APLP1: variants seen among roughly 807,000 people sequenced by gnomAD.
The protein encoded by APLP1 is amyloid beta precursor like protein 1.
In APLP1, 46 loss-of-function variants were observed where a neutral mutation model predicts 84.5. That is an observed-to-expected ratio of 0.54 (90% CI 0.43 to 0.70). The LOEUF is 0.70. APLP1 is among the 30% of genes least tolerant of loss of function. The pLI is 0.00. For missense variants in APLP1, 826 were observed against 900.2 expected, an observed-to-expected ratio of 0.92 and a Z score of 1.05; for synonymous variants, 376 against 364.0, an observed-to-expected ratio of 1.03 and a Z score of -0.38.
chr19:35,869,635 G>A (rs1315326801), intron 1 of APLP1, 32 bp from the exon 2 acceptor site: 4 of 1,608,244 alleles, frequency 2.5e-6, no homozygotes, highest in Non-Finnish European at 2.5e-6. Flanking sequence ...AACGCCCCCC[G>A]AGCCCTCACT....
intron 7 of APLP1, 113 bp downstream of exon 7, chr19:35,872,726 C>T (rs1974187945): frequency 1.6e-6 from 2 of 1,236,538 alleles, no homozygotes; most frequent in Non-Finnish European, 2.2e-6. Context: ...GCCCCTTTGA[C>T]CTTGAGCTCT....
intron 12 of APLP1, 60 bp downstream of exon 12, chr19:35,877,885 G>A (rs1249897885): frequency 4.1e-6 from 6 of 1,456,402 alleles, no homozygotes; most frequent in Non-Finnish European, 5.7e-6. Flanking sequence ...AGCCTAATTT[G>A]TAATCCCCTA....
chr19:35,873,168 A>G (rs1490332023), intron 7 of APLP1, among the ~76,000 whole-genome samples: 1 of 147,004 alleles, frequency 6.8e-6, no homozygotes, highest in Non-Finnish European at 1.5e-5. Flanking sequence ...CCTCTCTTTC[A>G]CTTTAAACTC....
intron 11 of APLP1, among the ~76,000 whole-genome samples, chr19:35,877,507 A>AAC (rs1568477669): frequency 2.0e-5 from 3 of 150,484 alleles, no homozygotes; most frequent in African/African-American, 7.4e-5. Flanking sequence ...AAAAACAAAA[A>AAC]AAAAACATAA....
Position 35,874,843 on chromosome 19 carries a change from G to A in APLP1, c.1318G>A (p.Glu440Lys), listed in dbSNP as rs575307529. 3.8e-5 allele frequency: 61 copies of A among 1,610,528 alleles called. No individual in the cohort carries two copies. In the South Asian group the frequency reaches 5.4e-4, roughly 14 times the overall value. The change falls in exon 10 of 17, where the codon GAG becomes AAG. Residue 440 changes from glutamate (E) to lysine (K), a missense_variant. Coordinates refer to ENST00000221891, the MANE Select transcript of APLP1 (RefSeq NM_001024807.3). The surrounding 1 kb of genome is among the most constrained non-coding windows in gnomAD (Gnocchi z 6.4). ...CCAGCATGTGGCCGCCGTGGATCCC[G>A]AGAAGGCACAGCAGATGCGCTTCCA... ...HYQHVAAVDPEKAQQMRFQVH... is the reference protein window; with the variant it reads ...HYQHVAAVDPKKAQQMRFQVH...
chr19:35,878,029 C>T, intron 12 of APLP1, 53 bp from the exon 13 acceptor site: 1 of 1,583,146 alleles, frequency 6.3e-7, no homozygotes, highest in Non-Finnish European at 8.6e-7. Flanking sequence ...CCTTTCTTTG[C>T]TGATACCCTC....
rs1974369494 is a variant in APLP1 at position 35,879,458 on chromosome 19, C to T, written c.*17C>T. 6 of 1,610,596 alleles carry T rather than the reference C, an allele frequency of 3.7e-6. No homozygotes were observed. The highest frequency in any genetic ancestry group is 1.3e-5 in the African/African-American group (1 of 74,936). ...CGACCCTGACCCGGCCCCCTTCACC[C>T]CTTCAGCCGAGCCCAGACCTCCCCT... On this transcript the variant is annotated 3_prime_UTR_variant, in exon 17 of 17. Transcript: ENST00000221891.
chr19:35,878,523 G>T (rs1448275443), intron 13 of APLP1, 61 bp from the exon 14 acceptor site: 2 of 1,540,562 alleles, frequency 1.3e-6, no homozygotes, highest in East Asian at 4.5e-5. Context: ...TCCAGCCTGG[G>T]TGACAGAGTG....
intron 11 of APLP1, among the ~76,000 whole-genome samples, chr19:35,877,371 C>T: frequency 6.6e-6 from 1 of 151,978 alleles, no homozygotes; most frequent in Non-Finnish European, 1.5e-5. Context: ...TGCCTGTAAT[C>T]CCAGCTACTT....
chr19:35,870,989 G>T lies in APLP1; in HGVS notation c.385G>T (p.Ala129Ser), dbSNP rs1003174908. The T allele has an allele frequency of 3.2e-6, 5 of 1,557,564 alleles. No individual in the cohort carries two copies. In the South Asian group the frequency reaches 4.8e-5, roughly 15 times the overall value. The part of the protein sequence containing the change: ...WCGGSRSGSC[A>S]HPHHQVVPFR... ...CGGGGGTTCCCGGAGCGGCAGCTGCGCCCACCCCCACCACCAGGTTGTGCC... is the reference window on the plus strand; with the variant it reads ...CGGGGGTTCCCGGAGCGGCAGCTGCTCCCACCCCCACCACCAGGTTGTGCC... Residue 129 changes from alanine (A) to serine (S), a missense_variant, in exon 3 of 17, where the codon GCC becomes TCC. By Grantham distance (99) the Ala-to-Ser change is moderately conservative. This residue lies in a region of APLP1 where 383 missense variants were observed against 378.3 expected (regional missense o/e 1.01). Transcript: ENST00000221891.
At position 35,874,734 on chromosome 19, in the gene APLP1, T is replaced by A; in HGVS notation, c.1216-7T>A. On this transcript the variant is annotated splice_region_variant and splice_polypyrimidine_tract_variant and intron_variant, in intron 9 of 16. Transcript: ENST00000221891. This position sits in a 1 kb window ranked among gnomAD's most constrained non-coding sequence, Gnocchi z 6.4. ...GCGGGCTTGGGCATCCTGTGTCCCT[T>A]CCACAGGCGGAGCGTGTCCTGTTGG... is the stretch of plus-strand genomic sequence containing the variant. 1 of 1,612,532 alleles carries A rather than the reference T, an allele frequency of 6.2e-7. No individual in the cohort carries two copies. Among genetic ancestry groups the A allele is most frequent in the African/African-American group, 1.3e-5 (1 of 75,040 alleles).
chr19:35,879,596 T>C lies in APLP1; in HGVS notation c.*155T>C, dbSNP rs1974372792. On this transcript the variant is annotated 3_prime_UTR_variant, in exon 17 of 17. Coordinates refer to ENST00000221891, the MANE Select transcript of APLP1 (RefSeq NM_001024807.3). ...GGAAATTCTTATTTCCCCTTTCCAA[T>C]TCCAAAATTCCATCCCTAAGAATTC... 1 of 639,074 alleles carries C rather than the reference T, an allele frequency of 1.6e-6. No individual in the cohort carries two copies. The highest frequency in any genetic ancestry group is 1.8e-5 in the African/African-American group (1 of 54,452). 39.6% of individuals were successfully genotyped at this position (639,074 alleles called of 1,614,324 possible).
intron 5 of APLP1, 41 bp from the exon 6 acceptor site, chr19:35,871,817 G>T: frequency 6.2e-7 from 1 of 1,613,120 alleles, no homozygotes; most frequent in East Asian, 2.2e-5. Context: ...GGGAGCCCAG[G>T]CCTGGGTTCT....
chr19:35,871,130 T>C (rs886580144), intron 3 of APLP1, 102 bp downstream of exon 3: 3 of 1,519,600 alleles, frequency 2.0e-6, no homozygotes, highest in Non-Finnish European at 1.8e-6. Context: ...GGTGCTTGTG[T>C]CCTAAGTGGG....
rs376928438 is a variant in APLP1 at position 35,874,898 on chromosome 19, C to A, written c.1344+29C>A. ...CTCACATCCTTCCAGCTCCCAAATG[C>A]GCCGCTATTCCTCAGACGCCCGCGC... On this transcript the variant is annotated intron_variant, in intron 10 of 16. Transcript: ENST00000221891. The surrounding 1 kb of genome is among the most constrained non-coding windows in gnomAD (Gnocchi z 6.4). The A allele has an allele frequency of 6.2e-6, 10 of 1,600,062 alleles. No homozygotes were observed. In the South Asian group the frequency reaches 9.9e-5, roughly 16 times the overall value.
rs769834689 is a variant in APLP1 at position 35,874,602 on chromosome 19, C to T, written c.1155C>T (p.Asn385=). Residue 385 remains asparagine, a synonymous_variant, in exon 9 of 17, where the codon AAC becomes AAT. Transcript: ENST00000221891. The surrounding 1 kb of genome is among the most constrained non-coding windows in gnomAD (Gnocchi z 6.4). ...CCACCCGCGTCATCGCCCTTATCAA[C>T]GACCAGCGCCGGGCTGCCTTGGAGG... ...THATRVIALI[N]DQRRAALEGF... 4.3e-6 allele frequency: 7 copies of T among 1,614,042 alleles called. No homozygotes were observed. Among genetic ancestry groups the T allele is most frequent in the Non-Finnish European group, 5.1e-6 (6 of 1,180,040 alleles).
chr19:35,873,194 T>A (rs1439013037), intron 7 of APLP1, among the ~76,000 whole-genome samples: 1 of 150,428 alleles, frequency 6.6e-6, no homozygotes, highest in Non-Finnish European at 1.5e-5. Context: ...GGATCTTCCC[T>A]CTTGGGAACC....
At chr19:35,873,920 C>T (rs1252649642) in intron 8 of APLP1, among the ~76,000 whole-genome samples, 1 of 152,230 alleles carries the variant, frequency 6.6e-6, no homozygotes, top group Admixed American at 6.5e-5. Context: ...TGGCCATATT[C>T]GGCCCCATCT....
chr19:35,877,747 C>T lies in APLP1; in HGVS notation c.1474C>T (p.Pro492Ser), dbSNP rs1484144813. The change falls in exon 12 of 17, where the codon CCC becomes TCC. Residue 492 changes from proline to serine, a missense_variant. Pro to Ser is a moderately conservative substitution (Grantham distance 74). Transcript: ENST00000221891. ...ACTCCTCCACTCTGAACACCTGGGT[C>T]CCAGTGAATTGGAAGCCCCTGCCCC... ...QELLHSEHLG[P>S]SELEAPAPGG... is the part of the protein sequence containing the mutation. 1.9e-6 allele frequency: 3 copies of T among 1,610,088 alleles called. No homozygotes were observed. Among genetic ancestry groups the T allele is most frequent in the Admixed American group, 1.7e-5 (1 of 58,500 alleles).
Sources: allele counts gnomAD v4.1 joint callset (sites outside exome capture counted in the v4.1 genomes callset), GRCh38; gene constraint gnomAD v4.1.1; regional missense constraint gnomAD v4.1.1; non-coding constraint Gnocchi (gnomAD v3.1); transcripts MANE v1.5; gene names NCBI Gene and HGNC (gene_info 2026-07-23, HGNC 2026-07-21).